The following MPDZ variants were observed in gnomAD, a reference collection of about 807,000 sequenced individuals.
MPDZ encodes multiple PDZ domain protein.
MPDZ carries 234 observed loss-of-function variants against 239.1 expected under a neutral mutation model. The observed-to-expected ratio is 0.98, with a 90% confidence interval of 0.88 to 1.09. MPDZ has a LOEUF of 1.09. Among genes scored for constraint, MPDZ ranks in the 50% least tolerant of loss-of-function variants. MPDZ has a pLI of 0.00. For missense variants in MPDZ, 3,175 were observed against 2,510.0 expected (o/e 1.26, Z -5.66); for synonymous variants, 1,048 against 881.3 (o/e 1.19, Z -3.35).
Position 13,220,369 on chromosome 9 carries a change from A to G in MPDZ, c.877-601T>C, listed in dbSNP as rs148065864. ...TGATGGAACTCTTCTGCACTACTCA[A>G]TACAATAGCTACGGAGATCTTGAAA... is the stretch of plus-strand genomic sequence containing the variant. On this transcript the variant is annotated intron_variant, in intron 7 of 46. Transcript: ENST00000319217. 4.8e-3 allele frequency among the ~76,000 whole-genome samples: 733 copies of G among 152,142 alleles called. 5 individuals carry two copies. Among genetic ancestry groups the G allele is most frequent in the African/African-American group, 0.016 (652 of 41,550 alleles).
chr9:13,129,798 C>G (rs1945686394), intron 32 of MPDZ, among the ~76,000 whole-genome samples: 4 of 152,006 alleles, frequency 2.6e-5, no homozygotes, highest in Admixed American at 1.3e-4. Flanking sequence ...CTTGAATTCC[C>G]ACCTCAGCCT....
chr9:13,209,464 T>C (rs1021883947), intron 10 of MPDZ, among the ~76,000 whole-genome samples: 15 of 152,294 alleles, frequency 9.8e-5, no homozygotes, highest in Non-Finnish European at 2.2e-4. Flanking sequence ...CCTGTCACTT[T>C]GTCAATTCTT....
rs1944023025 is a variant in MPDZ, at chr9:13,119,586, T to C, written c.5295A>G (p.Arg1765=). 1 of 1,613,892 alleles carries C rather than the reference T, an allele frequency of 6.2e-7. No homozygotes were observed. Among genetic ancestry groups the C allele is most frequent in the African/African-American group, 1.3e-5 (1 of 74,950 alleles). Reference sequence around the variant, plus strand: ...TTAATATCTGGTCTCCCTGCATCAGTCTTCCATCGGCATCTGCAATTCCTC... The same window carrying C: ...TTAATATCTGGTCTCCCTGCATCAGCCTTCCATCGGCATCTGCAATTCCTC... ...VKGGIADADG[R]LMQGDQILMV... is the part of the protein sequence containing the mutation. The change falls in exon 39 of 47, where the codon AGA becomes AGG. Residue 1765 remains arginine, a synonymous_variant. Coordinates refer to ENST00000319217, the MANE Select transcript of MPDZ (RefSeq NM_001378778.1).
intron 12 of MPDZ, among the ~76,000 whole-genome samples, chr9:13,199,897 T>C (rs1450186180): frequency 6.6e-6 from 1 of 152,080 alleles, no homozygotes; most frequent in Non-Finnish European, 1.5e-5. Flanking sequence ...ACTACGTTCA[T>C]GAAGGATTTG....
intron 3 of MPDZ, among the ~76,000 whole-genome samples, chr9:13,240,495 A>C (rs2137289291): frequency 6.7e-6 from 1 of 148,868 alleles, no homozygotes; most frequent in South Asian, 2.2e-4. Flanking sequence ...ATTTCTCTTC[A>C]GGGATGCTAT....
In MPDZ at chr9:13,106,199, C is replaced by T. The variant is rs1373066984; in HGVS notation, c.*766G>A. ...GCAGCATAGTTGCTTTCTAGAAAAA[C>T]CATAGTCAACATGGGGTGGCATCAT... On this transcript the variant is annotated 3_prime_UTR_variant, in exon 47 of 47. Coordinates refer to ENST00000319217, the MANE Select transcript of MPDZ (RefSeq NM_001378778.1). 6.6e-6 allele frequency: 1 copy of T among 152,066 alleles called. No homozygotes were observed. The allele number at this position is 152,066 out of a possible 1,614,324, so 9.4% of individuals were successfully genotyped here.
chr9:13,122,523 C>CTTTTTTTTTT (rs1193402258), intron 36 of MPDZ, among the ~76,000 whole-genome samples: 1 of 141,148 alleles, frequency 7.1e-6, no homozygotes, highest in African/African-American at 2.6e-5. Flanking sequence ...TTTTCAAACT[C>CTTTTTTTTTT]TTTTTTTTTT....
intron 24 of MPDZ, among the ~76,000 whole-genome samples, chr9:13,153,821 TAAAAAA>T (rs1422607284): frequency 6.6e-6 from 1 of 151,968 alleles, no homozygotes; most frequent in East Asian, 1.9e-4. Context: ...TAAAATAAAA[TAAAAAA>T]GAAAGAAGGA....
intron 22 of MPDZ, among the ~76,000 whole-genome samples, chr9:13,165,829 T>A (rs960764708): frequency 3.3e-5 from 5 of 152,160 alleles, no homozygotes; most frequent in Admixed American, 1.3e-4. Context: ...GAATGCATTC[T>A]GGTGAGGCTT....
At chr9:13,242,820 TG>T (rs1965743443) in intron 3 of MPDZ, among the ~76,000 whole-genome samples, 1 of 152,196 alleles carries the variant, frequency 6.6e-6, no homozygotes, top group South Asian at 2.1e-4. Context: ...AGTCATTTTT[TG>T]CTGTAGGAGG....
In MPDZ at chr9:13,123,316, A is replaced by AT; in HGVS notation, c.4808-19dup. 1.3e-6 allele frequency: 2 copies of AT among 1,575,704 alleles called. No individual in the cohort carries two copies. The highest frequency in any genetic ancestry group is 1.7e-6 in the Non-Finnish European group (2 of 1,160,424). On this transcript the variant is annotated intron_variant, in intron 35 of 46. Coordinates refer to ENST00000319217, the MANE Select transcript of MPDZ (RefSeq NM_001378778.1). The stretch of plus-strand genomic sequence containing the variant: ...GCTTGTATCTAAAAATAAGTTAAAA[A>AT]TGAAATACAAATAAAAATTGGTTAC...
intron 24 of MPDZ, among the ~76,000 whole-genome samples, chr9:13,155,536 G>A (rs10116749): frequency 0.43 from 65,298 of 151,880 alleles, 16,001 homozygotes; most frequent in African/African-American, 0.68. Context: ...TTTACAAAAC[G>A]TCAAGAATTG....
At chr9:13,201,543 C>T (rs983746374) in intron 12 of MPDZ, among the ~76,000 whole-genome samples, 20 of 151,870 alleles carry the variant, frequency 1.3e-4, no homozygotes, top group African/African-American at 4.8e-4. Context: ...CTTCAGGAGT[C>T]CCTATTACAC....
intron 46 of MPDZ, 110 bp downstream of exon 46, chr9:13,108,826 A>T: frequency 9.4e-6 from 10 of 1,069,026 alleles, no homozygotes; most frequent in Non-Finnish European, 1.3e-5. Flanking sequence ...AGAAATGATC[A>T]ACTGTTAACC....
chr9:13,177,529 C>A (rs7039058), intron 19 of MPDZ, among the ~76,000 whole-genome samples: 9,087 of 152,158 alleles, frequency 0.06, 419 homozygotes, highest in African/African-American at 0.13. Flanking sequence ...CACAGCCATA[C>A]AATAAATAGC....
intron 19 of MPDZ, among the ~76,000 whole-genome samples, chr9:13,180,629 A>G (rs1029995107): frequency 9.2e-5 from 14 of 152,348 alleles, no homozygotes; most frequent in East Asian, 1.9e-4. Flanking sequence ...GCATTTTGTC[A>G]TATCTTTGGA....
chr9:13,214,188 G>A (rs1196391845), intron 10 of MPDZ, among the ~76,000 whole-genome samples: 5 of 152,124 alleles, frequency 3.3e-5, no homozygotes, highest in African/African-American at 9.6e-5. Flanking sequence ...ATCAATTGAT[G>A]AATGGGTAAA....
chr9:13,262,047 G>C (rs933133858), intron 1 of MPDZ, among the ~76,000 whole-genome samples: 1 of 150,234 alleles, frequency 6.7e-6, no homozygotes, highest in South Asian at 2.1e-4. Flanking sequence ...CCTGTTCCTA[G>C]AAAATGAAAA....
At chr9:13,242,775 T>C (rs1965734751) in intron 3 of MPDZ, among the ~76,000 whole-genome samples, 1 of 152,012 alleles carries the variant, frequency 6.6e-6, no homozygotes, top group African/African-American at 2.4e-5. Flanking sequence ...CATACCAGGG[T>C]TTCTCAACCT....
Sources: allele counts gnomAD v4.1 joint callset (sites outside exome capture counted in the v4.1 genomes callset), GRCh38; gene constraint gnomAD v4.1.1; transcripts MANE v1.5; gene names NCBI Gene and HGNC (gene_info 2026-07-23, HGNC 2026-07-21).